Variants in KANSL3 observed in about 807,000 individuals in gnomAD.
The protein encoded by KANSL3 is KAT8 regulatory NSL complex subunit 3.
Under a neutral mutation model 89.2 loss-of-function variants are expected in KANSL3, and 16 were observed. The observed-to-expected ratio is 0.18, with a 90% confidence interval of 0.12 to 0.27. The LOEUF is 0.27. Ranked by LOEUF, KANSL3 falls within the 10% of genes least tolerant of loss-of-function variation. KANSL3 has a pLI of 1.00. For synonymous variants in KANSL3, 385 were observed against 419.7 expected (o/e 0.92, Z 1.01); for missense variants, 879 against 1,110.6 (o/e 0.79, Z 2.96).
intron 5 of KANSL3, among the ~76,000 whole-genome samples, chr2:96,614,080 C>T (rs1402138480): frequency 6.6e-6 from 1 of 152,108 alleles, no homozygotes; most frequent in African/African-American, 2.4e-5. Context: ...AGATTATTTT[C>T]GAATATTTAC....
intron 3 of KANSL3, among the ~76,000 whole-genome samples, chr2:96,629,286 C>T (rs957309560): frequency 6.6e-6 from 1 of 151,930 alleles, no homozygotes; most frequent in Non-Finnish European, 1.5e-5. Context: ...GATCTTCATT[C>T]GTAGCAGTTT....
chr2:96,596,084 T>G (rs2066500684), intron 20 of KANSL3, among the ~76,000 whole-genome samples: 1 of 152,176 alleles, frequency 6.6e-6, no homozygotes, highest in African/African-American at 2.4e-5. Flanking sequence ...AAGGGAAGAT[T>G]TCCGTGACTT....
chr2:96,609,420 C>T lies in KANSL3; in HGVS notation c.1383+79G>A, dbSNP rs1295096312. The T allele has an allele frequency of 1.1e-5, 14 of 1,308,798 alleles. No homozygotes were observed. The East Asian group carries it at 2.8e-4, about 26-fold the overall frequency. 81.1% of individuals were successfully genotyped at this position (1,308,798 alleles called of 1,614,324 possible). A position where few individuals can be genotyped will look rare whatever the true frequency, so the allele number is the denominator to read the frequency against. ...AGTGGAGGCCTTAGAGCCAAAGAGA[C>T]CACTACCAATAAGACCAAACCTAAA... On this transcript the variant is annotated intron_variant, in intron 12 of 20. Coordinates refer to ENST00000431828, the MANE Select transcript of KANSL3 (RefSeq NM_001115016.3).
At chr2:96,614,203 G>A (rs1290138242) in intron 5 of KANSL3, among the ~76,000 whole-genome samples, 2 of 152,068 alleles carry the variant, frequency 1.3e-5, no homozygotes, top group Non-Finnish European at 2.9e-5. Context: ...GCGATTTCTT[G>A]TTTCTCAGCC....
chr2:96,623,194 A>G (rs2071626315), intron 3 of KANSL3, among the ~76,000 whole-genome samples: 1 of 152,200 alleles, frequency 6.6e-6, no homozygotes. Flanking sequence ...TGCACACTGC[A>G]TTCTAAGTTC....
chr2:96,605,701 G>A, intron 14 of KANSL3, 190 bp from the exon 15 acceptor site: 2 of 447,852 alleles, frequency 4.5e-6, no homozygotes, highest in South Asian at 7.1e-5. Flanking sequence ...CTGTCCGTGG[G>A]GGACCCCACT....
intron 2 of KANSL3, among the ~76,000 whole-genome samples, chr2:96,632,223 T>A (rs2106191366): frequency 6.6e-6 from 1 of 152,202 alleles, no homozygotes; most frequent in Non-Finnish European, 1.5e-5. Flanking sequence ...GTAATCCCAG[T>A]ACTTTGGAAG....
intron 18 of KANSL3, 27 bp downstream of exon 18, chr2:96,602,726 C>G: frequency 6.4e-7 from 1 of 1,554,416 alleles, no homozygotes; most frequent in Non-Finnish European, 8.7e-7. Context: ...CTACACCTGC[C>G]CAGCCCAGCA....
chr2:96,632,163 AAAAT>A (rs1448487806), intron 2 of KANSL3, among the ~76,000 whole-genome samples: 4 of 152,158 alleles, frequency 2.6e-5, no homozygotes, highest in Admixed American at 2.6e-4. Context: ...CTGGTCTCAA[AAAAT>A]AAATAAATAA....
chr2:96,611,825 T>C (rs182713133), intron 9 of KANSL3, among the ~76,000 whole-genome samples: 241 of 152,088 alleles, frequency 1.6e-3, no homozygotes, highest in African/African-American at 5.5e-3. Flanking sequence ...TGTTGTTTTT[T>C]AGGTGGGAGA....
At chr2:96,611,872 C>CT (rs1303575142) in intron 9 of KANSL3, among the ~76,000 whole-genome samples, 103 of 117,324 alleles carry the variant, frequency 8.8e-4, no homozygotes, top group Non-Finnish European at 1.1e-3. Flanking sequence ...AAAAAGGGAT[C>CT]TTTTTTTTTT....
intron 5 of KANSL3, among the ~76,000 whole-genome samples, chr2:96,619,039 TC>T (rs1478499986): frequency 1.3e-5 from 2 of 152,178 alleles, no homozygotes; most frequent in African/African-American, 4.8e-5. Flanking sequence ...AACAAACTCT[TC>T]CCTGGTAAAC....
intron 5 of KANSL3, among the ~76,000 whole-genome samples, chr2:96,616,994 C>T (rs1419765556): frequency 6.6e-6 from 1 of 152,216 alleles, no homozygotes; most frequent in African/African-American, 2.4e-5. Flanking sequence ...CCACTACCAA[C>T]ACTCATCTCC....
chr2:96,619,905 C>T, intron 3 of KANSL3, 143 bp from the exon 4 acceptor site: 1 of 652,864 alleles, frequency 1.5e-6, no homozygotes, highest in South Asian at 2.0e-5. Context: ...AGACCACTGA[C>T]CTAAAACACA....
the KANSL3 span, among the ~76,000 whole-genome samples, chr2:96,583,388 G>A: frequency 1.3e-5 from 2 of 152,144 alleles, no homozygotes; most frequent in Admixed American, 1.3e-4. Flanking sequence ...ACAAGATATA[G>A]AACATTTCCC....
chr2:96,586,028 A>C, the KANSL3 span, among the ~76,000 whole-genome samples: 1 of 152,086 alleles, frequency 6.6e-6, no homozygotes, highest in South Asian at 2.1e-4. Flanking sequence ...GGAGCTTGAC[A>C]CCAGCCTGGC....
chr2:96,614,345 C>CA (rs1169102968), intron 5 of KANSL3, among the ~76,000 whole-genome samples: 2 of 152,204 alleles, frequency 1.3e-5, no homozygotes, highest in Non-Finnish European at 1.5e-5. Flanking sequence ...CCACCCGCCT[C>CA]AGCCTCCTCA....
At chr2:96,628,380 G>C in intron 3 of KANSL3, 1 of 425,068 alleles carries the variant, frequency 2.4e-6, no homozygotes, top group Non-Finnish European at 3.1e-6. Flanking sequence ...GCCAAGTGCA[G>C]TGGCTCACAC....
chr2:96,615,741 C>A (rs1034526761), intron 5 of KANSL3, among the ~76,000 whole-genome samples: 2 of 152,136 alleles, frequency 1.3e-5, no homozygotes, highest in Non-Finnish European at 2.9e-5. Flanking sequence ...AGAATTATAA[C>A]CATTAGACTT....
Sources: allele counts gnomAD v4.1 joint callset (sites outside exome capture counted in the v4.1 genomes callset), GRCh38; gene constraint gnomAD v4.1.1; transcripts MANE v1.5; gene names NCBI Gene and HGNC (gene_info 2026-07-23, HGNC 2026-07-21).